The following PAPPA variants were observed in gnomAD, a reference collection of about 807,000 sequenced individuals.
PAPPA encodes the protein pappalysin 1.
A neutral mutation model predicts 164.0 loss-of-function variants in PAPPA; 60 were observed. The ratio of observed to expected loss-of-function variants is 0.37; its 90% CI spans 0.30 to 0.45. The LOEUF (loss-of-function observed/expected upper bound fraction) is 0.45, where lower values mean the gene tolerates loss of function less well. Ranked by LOEUF, PAPPA falls within the 20% of genes least tolerant of loss-of-function variation. The pLI is 1.00. For synonymous variants in PAPPA, 875 were observed against 814.1 expected, an observed-to-expected ratio of 1.07 and a Z score of -1.27; for missense variants, 1,782 against 2,087.3, an observed-to-expected ratio of 0.85 and a Z score of 2.85.
At chr9:116,214,523 T>C (rs534785630) in intron 4 of PAPPA, among the ~76,000 whole-genome samples, 1 of 152,304 alleles carries the variant, frequency 6.6e-6, no homozygotes, top group African/African-American at 2.4e-5. Flanking sequence ...TGCCTCATTT[T>C]CTGGTTGTGG....
At chr9:116,198,407 A>G (rs1844131961) in intron 2 of PAPPA, among the ~76,000 whole-genome samples, 1 of 152,216 alleles carries the variant, frequency 6.6e-6, no homozygotes, top group South Asian at 2.1e-4. Context: ...GGAAGTGACT[A>G]TTCATCCAAT....
chr9:116,294,549 G>A (rs1020202199), intron 9 of PAPPA, among the ~76,000 whole-genome samples: 2 of 152,282 alleles, frequency 1.3e-5, no homozygotes, highest in African/African-American at 4.8e-5. Flanking sequence ...CTGTCCCAGA[G>A]GAAACATATG....
At position 116,271,523 on chromosome 9, in the gene PAPPA, T is replaced by C. The variant is rs771375245; in HGVS notation, c.2953+107T>C. 18 of 816,860 alleles carry C rather than the reference T, an allele frequency of 2.2e-5. No individual in the cohort carries two copies. The highest frequency in any genetic ancestry group is 3.6e-5 in the Non-Finnish European group (17 of 473,862). 50.6% of individuals were successfully genotyped at this position (816,860 alleles called of 1,614,324 possible). On this transcript the variant is annotated intron_variant, in intron 9 of 21. Coordinates refer to ENST00000328252, the MANE Select transcript of PAPPA (RefSeq NM_002581.5). This position sits in a 1 kb window ranked among gnomAD's most constrained non-coding sequence, Gnocchi z 4.2. ...TTATGACTAAATGATGATTCACTCCTTTGTATTACACCTGTTTATTGAGTG... is the reference window on the plus strand; with the variant it reads ...TTATGACTAAATGATGATTCACTCCCTTGTATTACACCTGTTTATTGAGTG...
chr9:116,154,318 C>A lies in PAPPA; in HGVS notation c.146C>A (p.Thr49Asn), dbSNP rs1843572066. ...GCCGCCGGCCCGGCCACCTGCGCCA[C>A]CCGGGCGGCCCGCGGCCGCCGCGCC... ...RPAAGPATCATRAARGRRASP... is the reference protein window; with the variant it reads ...RPAAGPATCANRAARGRRASP... The change falls in exon 1 of 22, where the codon ACC (threonine) becomes AAC (asparagine). Residue 49 changes from threonine (T) to asparagine (N), a missense_variant. Physicochemically the swap from Thr to Asn is moderately conservative, Grantham distance 65. Transcript: ENST00000328252. This position sits in a 1 kb window ranked among gnomAD's most constrained non-coding sequence, Gnocchi z 5.2. 1.1e-6 allele frequency: 1 copy of A among 883,414 alleles called. No individual in the cohort carries two copies. Among genetic ancestry groups the A allele is most frequent in the African/African-American group, 1.8e-5 (1 of 54,344 alleles). 54.7% of individuals were successfully genotyped at this position (883,414 alleles called of 1,614,324 possible).
chr9:116,335,106 C>A, intron 13 of PAPPA, 32 bp downstream of exon 13: 3 of 1,549,570 alleles, frequency 1.9e-6, no homozygotes, highest in Non-Finnish European at 2.7e-6. Context: ...CGCCCTAGGC[C>A]ACTTGTAGCC....
chr9:116,367,274 T>C (rs1237888867), intron 18 of PAPPA, among the ~76,000 whole-genome samples: 2 of 151,394 alleles, frequency 1.3e-5, no homozygotes, highest in African/African-American at 4.9e-5. Context: ...AACCAAAGAG[T>C]GAAGGTGGTT....
At chr9:116,260,262 A>G (rs1037297669) in intron 7 of PAPPA, among the ~76,000 whole-genome samples, 3 of 152,222 alleles carry the variant, frequency 2.0e-5, no homozygotes, top group Non-Finnish European at 4.4e-5. Flanking sequence ...ACAATGTTAT[A>G]ATTTGACAAA....
rs1847019896 is a variant in PAPPA, at chr9:116,399,646, G to A, written c.*3030G>A. 2.0e-5 allele frequency: 3 copies of A among 152,554 alleles called. No individual in the cohort carries two copies. The East Asian group carries it at 5.8e-4, about 29-fold the overall frequency. The allele number at this position is 152,554 out of a possible 1,614,324, so 9.5% of individuals were successfully genotyped here. A position where few individuals can be genotyped will look rare whatever the true frequency, so the allele number is the denominator to read the frequency against. ...GACAGTCCTCTAAGCCCTATTTAGG[G>A]AAGCTTTTCCAAGCCACAATCTTAA... On this transcript the variant is annotated 3_prime_UTR_variant, in exon 22 of 22. Transcript: ENST00000328252.
At chr9:116,329,230 A>C (rs928968698) in intron 10 of PAPPA, among the ~76,000 whole-genome samples, 6 of 152,230 alleles carry the variant, frequency 3.9e-5, no homozygotes, top group Admixed American at 6.5e-5. Flanking sequence ...GGGCTGTCAT[A>C]GAAAATTCAG....
chr9:116,154,151 G>A lies in PAPPA; in HGVS notation c.-22G>A. On this transcript the variant is annotated 5_prime_UTR_variant, in exon 1 of 22. Transcript: ENST00000328252. The surrounding 1 kb of genome is among the most constrained non-coding windows in gnomAD (Gnocchi z 5.2). The stretch of plus-strand genomic sequence containing the variant: ...CGGGTGGCGGTGCAGGGGCGAAGGG[G>A]GGGCGGGGGGAACCGTCGGACATGC... 4 of 1,433,074 alleles carry A rather than the reference G, an allele frequency of 2.8e-6. No homozygotes were observed. The highest frequency in any genetic ancestry group is 2.8e-6 in the Non-Finnish European group (3 of 1,082,292). The allele number at this position is 1,433,074 out of a possible 1,614,324, so 88.8% of individuals were successfully genotyped here. A position where few individuals can be genotyped will look rare whatever the true frequency, so the allele number is the denominator to read the frequency against.
At chr9:116,251,150 A>C (rs1009549938) in intron 7 of PAPPA, among the ~76,000 whole-genome samples, 1 of 152,222 alleles carries the variant, frequency 6.6e-6, no homozygotes, top group African/African-American at 2.4e-5. Context: ...CAAGGCTTAC[A>C]AAAGAGCTCA....
At chr9:116,387,064 C>T (rs934148849) in intron 21 of PAPPA, among the ~76,000 whole-genome samples, 3 of 152,074 alleles carry the variant, frequency 2.0e-5, no homozygotes, top group Non-Finnish European at 4.4e-5. Context: ...CCCTTACACA[C>T]CCAGGCTAGC....
chr9:116,371,118 A>G (rs1289173596), intron 19 of PAPPA, among the ~76,000 whole-genome samples: 1 of 152,140 alleles, frequency 6.6e-6, no homozygotes, highest in Non-Finnish European at 1.5e-5. Context: ...ACTCTTTTGT[A>G]TATTAAATAC....
chr9:116,207,746 A>G (rs1844254863), intron 3 of PAPPA, 145 bp downstream of exon 3: 1 of 602,670 alleles, frequency 1.7e-6, no homozygotes, highest in South Asian at 4.1e-5. Flanking sequence ...TTTAATTTAC[A>G]AAATTCTTTA....
At chr9:116,257,496 C>G (rs1844942455) in intron 7 of PAPPA, among the ~76,000 whole-genome samples, 1 of 151,794 alleles carries the variant, frequency 6.6e-6, no homozygotes, top group Non-Finnish European at 1.5e-5. Flanking sequence ...GTCAGGAGAT[C>G]GAGACCATCC....
chr9:116,389,036 G>GTGA (rs773268117), intron 21 of PAPPA, among the ~76,000 whole-genome samples: 1 of 152,058 alleles, frequency 6.6e-6, no homozygotes, highest in African/African-American at 2.4e-5. Flanking sequence ...AGCAGAGTGG[G>GTGA]TGATAACCTA....
At chr9:116,212,279 C>A (rs990448176) in intron 4 of PAPPA, among the ~76,000 whole-genome samples, 33 of 152,032 alleles carry the variant, frequency 2.2e-4, no homozygotes, top group African/African-American at 8.0e-4. Context: ...GTGCTTTGGA[C>A]TTTGCAAAGA....
intron 19 of PAPPA, among the ~76,000 whole-genome samples, chr9:116,375,091 A>G (rs1470553124): frequency 6.6e-6 from 1 of 152,238 alleles, no homozygotes; most frequent in Non-Finnish European, 1.5e-5. Context: ...ATTTATATGA[A>G]TGCACCATCT....
intron 7 of PAPPA, among the ~76,000 whole-genome samples, chr9:116,254,328 T>TA: frequency 6.6e-6 from 1 of 152,188 alleles, no homozygotes; most frequent in South Asian, 2.1e-4. Context: ...TCAGAAATTT[T>TA]AAAAAATAAT....
Sources: allele counts gnomAD v4.1 joint callset (sites outside exome capture counted in the v4.1 genomes callset), GRCh38; gene constraint gnomAD v4.1.1; non-coding constraint Gnocchi (gnomAD v3.1); transcripts MANE v1.5; gene names NCBI Gene and HGNC (gene_info 2026-07-23, HGNC 2026-07-21).